The following ARPP21 variants were observed in gnomAD, a reference collection of about 807,000 sequenced individuals.
ARPP21 encodes cAMP-regulated phosphoprotein 21.
In ARPP21, 69 loss-of-function variants were observed where a neutral mutation model predicts 113.2. That is an observed-to-expected ratio of 0.61 (90% CI 0.50 to 0.74). ARPP21 has a LOEUF of 0.74. ARPP21 is among the 30% of genes least tolerant of loss of function. The probability of loss-of-function intolerance (pLI) is 0.00; values close to 1 mark genes in which losing one functional copy is unlikely to be tolerated. For synonymous variants in ARPP21, 368 were observed against 375.5 expected (o/e 0.98, Z 0.23); for missense variants, 1,070 against 1,037.4 (o/e 1.03, Z -0.43).
At chr3:35,698,127 C>T (rs2084781692) in intron 9 of ARPP21, among the ~76,000 whole-genome samples, 1 of 151,648 alleles carries the variant, frequency 6.6e-6, no homozygotes, top group African/African-American at 2.4e-5. Context: ...ACTTTATTTA[C>T]TGAGCAAGAC....
intron 1 of ARPP21, among the ~76,000 whole-genome samples, chr3:35,662,353 G>A (rs1211457936): frequency 6.6e-6 from 1 of 152,166 alleles, no homozygotes; most frequent in Non-Finnish European, 1.5e-5. Flanking sequence ...GTTAACCTGG[G>A]TTTTATCACT....
At chr3:35,789,266 C>T (rs1294771068) in intron 19 of ARPP21, among the ~76,000 whole-genome samples, 1 of 152,218 alleles carries the variant, frequency 6.6e-6, no homozygotes, top group Non-Finnish European at 1.5e-5. Flanking sequence ...CAGGCAGGCA[C>T]TGTCGGTTCA....
chr3:35,788,387 G>A lies in ARPP21; in HGVS notation c.2138-3995G>A, dbSNP rs1577062077. On this transcript the variant is annotated intron_variant, in intron 19 of 20. Coordinates refer to ENST00000684406, the MANE Select transcript of ARPP21 (RefSeq NM_001385562.1). ...AAGTAATTTTTATATGAAGCAGCTT[G>A]CTAACTCTAATCATTTGAAAAGACA... Among the ~76,000 whole-genome samples, 3 of 152,126 alleles carry A rather than the reference G, an allele frequency of 2.0e-5. No individual in the cohort carries two copies. The East Asian group carries it at 5.8e-4, about 29-fold the overall frequency.
In ARPP21 at chr3:35,793,785, T is replaced by C; in HGVS notation, c.2371T>C (p.Ser791Pro). The change falls in exon 21 of 21, where the codon TCA becomes CCA. Residue 791 changes from serine (S) to proline (P), a missense_variant. By Grantham distance (74) the Ser-to-Pro change is moderately conservative. Transcript: ENST00000684406. ...IMLPNQAGQGSLPATGMPVYC... is the reference protein window; with the variant it reads ...IMLPNQAGQGPLPATGMPVYC... ...GCTACCTAACCAGGCAGGTCAAGGGTCACTCCCAGCCACTGGAATGCCTGT... is the reference window on the plus strand; with the variant it reads ...GCTACCTAACCAGGCAGGTCAAGGGCCACTCCCAGCCACTGGAATGCCTGT... 1.2e-6 allele frequency: 2 copies of C among 1,613,974 alleles called. No homozygotes were observed. Among genetic ancestry groups the C allele is most frequent in the Non-Finnish European group, 1.7e-6 (2 of 1,179,922 alleles).
rs1366544718 is a variant in ARPP21, at chr3:35,681,817, C to T, written c.66C>T (p.Ala22=). The change falls in exon 3 of 21, where the codon GCC becomes GCT. Residue 22 remains alanine (A), a synonymous_variant. Transcript: ENST00000684406. The stretch of plus-strand genomic sequence containing the variant: ...AAGGAGGGACTGAGCAGGAGACGGC[C>T]ACTCCAGAGAACGGCATTGTTAAAT... ...AEEGGTEQET[A]TPENGIVKSE... is the part of the protein sequence containing the mutation. 3 of 1,611,880 alleles carry T rather than the reference C, an allele frequency of 1.9e-6. No homozygotes were observed. The highest frequency in any genetic ancestry group is 2.7e-5 in the African/African-American group (2 of 74,748).
chr3:35,668,027 A>AAGAAGAGGG (rs1553646509), intron 1 of ARPP21, among the ~76,000 whole-genome samples: 2 of 132,368 alleles, frequency 1.5e-5, no homozygotes, highest in African/African-American at 5.6e-5. Context: ...GAAGAAGAAG[A>AAGAAGAGGG]AGAAGGAGAA....
At chr3:35,707,763 A>G (rs1293843698) in intron 10 of ARPP21, among the ~76,000 whole-genome samples, 6 of 152,116 alleles carry the variant, frequency 3.9e-5, no homozygotes, top group Non-Finnish European at 8.8e-5. Flanking sequence ...GTACCCGGAC[A>G]GGAGCAAAGA....
chr3:35,675,588 G>GA (rs1049670536), intron 1 of ARPP21, among the ~76,000 whole-genome samples: 3 of 151,750 alleles, frequency 2.0e-5, no homozygotes, highest in African/African-American at 7.2e-5. Context: ...TAAGCTTTGG[G>GA]AAAAAAATTA....
intron 11 of ARPP21, among the ~76,000 whole-genome samples, chr3:35,712,067 G>A (rs1157446687): frequency 6.6e-6 from 1 of 152,110 alleles, no homozygotes; most frequent in East Asian, 1.9e-4. Context: ...AAACATAAAG[G>A]CAGCACACTT....
intron 14 of ARPP21, among the ~76,000 whole-genome samples, chr3:35,728,354 G>A (rs986844904): frequency 6.6e-6 from 1 of 150,852 alleles, no homozygotes; most frequent in Admixed American, 6.6e-5. Context: ...GAGTAGATGG[G>A]ACTACAGGCA....
chr3:35,734,138 T>G (rs1189129725), intron 15 of ARPP21, among the ~76,000 whole-genome samples: 1 of 152,210 alleles, frequency 6.6e-6, no homozygotes, highest in Admixed American at 6.5e-5. Context: ...GAGACTTATT[T>G]TGAAATAATT....
chr3:35,649,474 G>A (rs114849754), intron 1 of ARPP21, among the ~76,000 whole-genome samples: 1 of 152,252 alleles, frequency 6.6e-6, no homozygotes, highest in African/African-American at 2.4e-5. Flanking sequence ...GGTCTTGGAA[G>A]AAAGAATGAG....
intron 19 of ARPP21, among the ~76,000 whole-genome samples, chr3:35,753,479 G>A (rs1465464193): frequency 1.3e-5 from 2 of 151,864 alleles, no homozygotes; most frequent in Non-Finnish European, 2.9e-5. Context: ...TCAGTTGTTC[G>A]GATGGCAGAA....
In ARPP21 at chr3:35,721,713, C is replaced by T. The variant is rs886628199; in HGVS notation, c.1104C>T (p.Asp368=). Reference sequence around the variant, plus strand: ...GGGCCTGGAGCAGCACAGACTCCGACAGTTCCAACCGCAATCTAAAGCCCG... The same window carrying T: ...GGGCCTGGAGCAGCACAGACTCCGATAGTTCCAACCGCAATCTAAAGCCCG... ...HQRAWSSTDS[D]SSNRNLKPAM... The change falls in exon 14 of 21, where the codon GAC becomes GAT. Residue 368 remains aspartate, a synonymous_variant. Transcript: ENST00000684406. The T allele has an allele frequency of 6.2e-7, 1 of 1,613,898 alleles. No individual in the cohort carries two copies. The highest frequency in any genetic ancestry group is 8.5e-7 in the Non-Finnish European group (1 of 1,179,874).
chr3:35,668,002 GA>G (rs1185560779), intron 1 of ARPP21, among the ~76,000 whole-genome samples: 28 of 150,176 alleles, frequency 1.9e-4, no homozygotes, highest in Non-Finnish European at 2.8e-4. Flanking sequence ...AGAAGAAGAA[GA>G]AGAAGAAGAA....
Position 35,794,318 on chromosome 3 carries a change from C to A in ARPP21, c.*360C>A. ...AGTATTTAAAAATTATATACTAAAT[C>A]ACATTGTACCAAAGCTGTAATGGAA... is the stretch of plus-strand genomic sequence containing the variant. On this transcript the variant is annotated 3_prime_UTR_variant, in exon 21 of 21. Coordinates refer to ENST00000684406, the MANE Select transcript of ARPP21 (RefSeq NM_001385562.1). 1 of 233,536 alleles carries A rather than the reference C, an allele frequency of 4.3e-6. No individual in the cohort carries two copies. The allele number at this position is 233,536 out of a possible 1,614,324, so 14.5% of individuals were successfully genotyped here.
chr3:35,786,488 A>G (rs1233190803), intron 19 of ARPP21, among the ~76,000 whole-genome samples: 1 of 151,246 alleles, frequency 6.6e-6, no homozygotes, highest in African/African-American at 2.4e-5. Context: ...AGATTGCACC[A>G]CTGCACTCCA....
chr3:35,789,964 A>G (rs933598127), intron 19 of ARPP21, among the ~76,000 whole-genome samples: 2 of 152,306 alleles, frequency 1.3e-5, no homozygotes, highest in South Asian at 4.1e-4. Context: ...CTGTGAAAGG[A>G]TGGAAGGATT....
intron 19 of ARPP21, among the ~76,000 whole-genome samples, chr3:35,751,410 C>G (rs544131201): frequency 2.6e-4 from 39 of 152,058 alleles, no homozygotes; most frequent in Non-Finnish European, 4.4e-4. Context: ...ATTGCAAAAC[C>G]CATGCAGCTT....
Sources: gnomAD v4.1 joint callset for allele counts (sites outside exome capture counted in the v4.1 genomes callset) on GRCh38, gnomAD v4.1.1 for gene constraint, MANE v1.5 for transcripts, NCBI Gene and HGNC (gene_info 2026-07-23, HGNC 2026-07-21) for gene names.